The following AMELX variants were observed in gnomAD, a reference collection of about 807,000 sequenced individuals.
AMELX encodes the protein amelogenin, X isoform.
In AMELX, 9 loss-of-function variants were observed where a neutral mutation model predicts 15.8. The observed-to-expected ratio is 0.57, with a 90% CI of 0.34 to 0.99. The LOEUF (loss-of-function observed/expected upper bound fraction) is 0.99. Among genes scored for constraint, AMELX ranks in the 50% least tolerant of loss-of-function variants. AMELX has a pLI of 0.02. For synonymous variants in AMELX, 61 were observed against 58.8 expected (o/e 1.04, Z -0.17); for missense variants, 107 against 156.2 (o/e 0.68, Z 1.68).
chrX:11,305,973 G>A, the AMELX span, among the ~76,000 whole-genome samples: 5 of 111,919 alleles, frequency 4.5e-5, no homozygotes, highest in African/African-American at 9.8e-5. Flanking sequence ...CACCCTATCT[G>A]TCCAAATAAC....
At chrX:11,306,451 A>T in the AMELX span, among the ~76,000 whole-genome samples, 1 of 112,826 alleles carries the variant, frequency 8.9e-6, no homozygotes, top group Non-Finnish European at 1.9e-5. Context: ...GTCATATAAA[A>T]GTAATGATAA....
chrX:11,299,094 T>C, intron 5 of AMELX, 121 bp downstream of exon 5: 2 of 897,434 alleles, frequency 2.2e-6, no homozygotes, highest in Non-Finnish European at 3.2e-6. Flanking sequence ...TACAGGTCTA[T>C]GATTCTATTA....
Position 11,294,670 on chromosome X carries a change from C to T in AMELX, c.-12-107C>T, listed in dbSNP as rs1774805200. On this transcript the variant is annotated intron_variant, in intron 1 of 5. Coordinates refer to ENST00000380714, the MANE Select transcript of AMELX (RefSeq NM_001142.2). ...TAAATTCACAAACAATGGCTCCATC[C>T]TTCTTACTAGCAATAGACTAATGTA... 65 of 844,378 alleles carry T rather than the reference C, an allele frequency of 7.7e-5. No individual in the cohort carries two copies. In the South Asian group the frequency reaches 1.3e-3, roughly 17 times the overall value. 69.6% of individuals were successfully genotyped at this position (844,378 alleles called of 1,213,427 possible). A position where few individuals can be genotyped will look rare whatever the true frequency, so the allele number is the denominator to read the frequency against.
At chrX:11,306,470 C>T in the AMELX span, among the ~76,000 whole-genome samples, 603 of 112,594 alleles carry the variant, frequency 5.4e-3, 2 homozygotes, top group African/African-American at 0.019. Context: ...AATAATAACA[C>T]TGAACATTTA....
At chrX:11,293,543 T>C (rs886623570) in intron 1 of AMELX, 75 bp downstream of exon 1, 2 of 112,157 alleles carry the variant, frequency 1.8e-5, no homozygotes, top group Non-Finnish European at 3.8e-5. Flanking sequence ...TTTTAAAAGA[T>C]ATAAATGTAT....
intron 2 of AMELX, among the ~76,000 whole-genome samples, chrX:11,295,632 C>G: frequency 1.8e-5 from 2 of 110,945 alleles, no homozygotes; most frequent in Non-Finnish European, 3.8e-5. Flanking sequence ...CTCTTCCTCT[C>G]TCACCCACAA....
At chrX:11,303,363 T>C (rs1361294311), downstream of AMELX, among the ~76,000 whole-genome samples, 3 of 112,411 alleles carry the variant, frequency 2.7e-5, no homozygotes, top group African/African-American at 9.7e-5. Context: ...TTGAAACACC[T>C]GACTCTTCCA....
At chrX:11,305,096 C>T (rs1461720986), downstream of AMELX, among the ~76,000 whole-genome samples, 2 of 111,220 alleles carry the variant, frequency 1.8e-5, no homozygotes, top group South Asian at 3.8e-4. Context: ...TTTACCAAAC[C>T]GTTTTCCTCT....
chrX:11,304,777 C>CTTTTTTTTTTTTTTTTTT (rs953912280), downstream of AMELX, among the ~76,000 whole-genome samples: 7 of 50,308 alleles, frequency 1.4e-4, no homozygotes, highest in African/African-American at 5.2e-4. Flanking sequence ...CTTTCTTTTA[C>CTTTTTTTTTTTTTTTTTT]TTTTTTTTTT....
intron 5 of AMELX, 60 bp downstream of exon 5, chrX:11,299,033 G>A: frequency 8.7e-7 from 1 of 1,152,193 alleles, no homozygotes; most frequent in South Asian, 1.9e-5. Context: ...AGCAAAATAG[G>A]CCCCAGAGTT....
rs989305082 is a variant in AMELX, at chrX:11,298,757, C to T, written c.354C>T (p.Asn118=). Residue 118 remains asparagine, a synonymous_variant, in exon 5 of 6, where the codon AAC becomes AAT. Coordinates refer to ENST00000380714, the MANE Select transcript of AMELX (RefSeq NM_001142.2). ...SMTPIQHHQP[N]LPPPAQQPYQ... ...CTCCAATCCAACACCACCAGCCAAA[C>T]CTCCCTCCGCCCGCCCAGCAGCCCT... The T allele has an allele frequency of 8.3e-7, 1 of 1,211,071 alleles. No individual in the cohort carries two copies. The highest frequency in any genetic ancestry group is 2.2e-5 in the Admixed American group (1 of 45,947).
At chrX:11,297,546 G>A (rs769808912) in intron 3 of AMELX, among the ~76,000 whole-genome samples, 2 of 112,236 alleles carry the variant, frequency 1.8e-5, no homozygotes, top group South Asian at 3.7e-4. Flanking sequence ...ATTAAATGCC[G>A]TATTACTATA....
downstream of AMELX, among the ~76,000 whole-genome samples, chrX:11,302,387 C>A (rs1161073684): frequency 1.8e-5 from 2 of 112,025 alleles, no homozygotes; most frequent in African/African-American, 6.5e-5. Flanking sequence ...CTACCCACAG[C>A]AAGTTGTTCC....
chrX:11,309,161 C>T, the AMELX span, among the ~76,000 whole-genome samples: 10 of 112,122 alleles, frequency 8.9e-5, no homozygotes, highest in Non-Finnish European at 1.5e-4. Context: ...GAATCTTTCA[C>T]GTCTTCCTGG....
downstream of AMELX, chrX:11,300,771 T>C (rs975496552): frequency 2.0e-6 from 1 of 504,646 alleles, no homozygotes; most frequent in African/African-American, 2.4e-5. Context: ...ATTCATGTCT[T>C]TGTGTTGAAT....
chrX:11,299,080 T>C, intron 5 of AMELX, 107 bp downstream of exon 5: 1 of 943,972 alleles, frequency 1.1e-6, no homozygotes, highest in Non-Finnish European at 1.5e-6. Context: ...AGAGTTGTAG[T>C]AGTTACAGGT....
chrX:11,304,168 C>A (rs1235424596), downstream of AMELX, among the ~76,000 whole-genome samples: 2 of 110,351 alleles, frequency 1.8e-5, no homozygotes, highest in Non-Finnish European at 3.8e-5. Flanking sequence ...TGGCTCACTG[C>A]AACTTCCGCC....
chrX:11,300,827 G>A (rs1334777303), downstream of AMELX: 2 of 373,555 alleles, frequency 5.4e-6, no homozygotes, highest in Non-Finnish European at 9.5e-6. Flanking sequence ...TTATGAATGA[G>A]TATTCTTGAA....
intron 1 of AMELX, among the ~76,000 whole-genome samples, chrX:11,293,887 G>C (rs957899664): frequency 6.2e-5 from 7 of 112,115 alleles, no homozygotes; most frequent in African/African-American, 1.9e-4. Context: ...GAAAACTTTA[G>C]TGTACTTTTC....
Sources: gnomAD v4.1 joint callset for allele counts (sites outside exome capture counted in the v4.1 genomes callset) on GRCh38, gnomAD v4.1.1 for gene constraint, MANE v1.5 for transcripts, NCBI Gene and HGNC (gene_info 2026-07-23, HGNC 2026-07-21) for gene names.